Variants in GLRA1 observed in about 807,000 individuals in gnomAD.
GLRA1 encodes the protein glycine receptor alpha 1, also known as glycine receptor subunit alpha-1.
In GLRA1, 37 loss-of-function variants were observed where a neutral mutation model predicts 48.3. That is an observed-to-expected ratio of 0.77 (90% CI 0.59 to 1.01). The LOEUF (loss-of-function observed/expected upper bound fraction) is 1.01, where lower values mean the gene tolerates loss of function less well. Ranked by LOEUF, GLRA1 falls within the 50% of genes least tolerant of loss-of-function variation. GLRA1 has a pLI of 0.00. For synonymous variants in GLRA1, 196 were observed against 210.7 expected (o/e 0.93, Z 0.60); for missense variants, 427 against 571.0 (o/e 0.75, Z 2.57).
chr5:151,838,587 G>A (rs1025325332), intron 7 of GLRA1, among the ~76,000 whole-genome samples: 5 of 152,030 alleles, frequency 3.3e-5, no homozygotes, highest in African/African-American at 1.2e-4. Context: ...AGAAGAATCA[G>A]GAAACTTAAA....
At chr5:151,882,214 T>G (rs1753780009) in intron 3 of GLRA1, among the ~76,000 whole-genome samples, 1 of 152,234 alleles carries the variant, frequency 6.6e-6, no homozygotes, top group Admixed American at 6.5e-5. Flanking sequence ...TACATTTGGC[T>G]TAGGAGATCA....
intron 3 of GLRA1, among the ~76,000 whole-genome samples, chr5:151,880,246 G>T (rs1753728215): frequency 6.6e-6 from 1 of 152,172 alleles, no homozygotes; most frequent in South Asian, 2.1e-4. Context: ...TATTTCTATA[G>T]CATTTACCAA....
chr5:151,906,451 G>A (rs1434237971), intron 1 of GLRA1, among the ~76,000 whole-genome samples: 1 of 152,050 alleles, frequency 6.6e-6, no homozygotes, highest in Non-Finnish European at 1.5e-5. Context: ...ATTTTAAGAG[G>A]GACATTAACA....
At chr5:151,861,769 C>A (rs1020950938) in intron 3 of GLRA1, among the ~76,000 whole-genome samples, 1 of 152,026 alleles carries the variant, frequency 6.6e-6, no homozygotes, top group African/African-American at 2.4e-5. Context: ...CACTGCTCAA[C>A]GAAATAAAAG....
intron 1 of GLRA1, among the ~76,000 whole-genome samples, chr5:151,900,103 C>G (rs1298139258): frequency 1.3e-5 from 2 of 152,180 alleles, no homozygotes; most frequent in Non-Finnish European, 2.9e-5. Flanking sequence ...CTTCCATCCA[C>G]TAACTCTCCT....
chr5:151,833,671 C>T (rs1763483320), intron 7 of GLRA1, among the ~76,000 whole-genome samples: 1 of 151,950 alleles, frequency 6.6e-6, no homozygotes, highest in Admixed American at 6.6e-5. Flanking sequence ...TCATGTTGGT[C>T]AGGCTAGTCT....
chr5:151,893,286 TTCTTTC>T (rs934502665), intron 1 of GLRA1, among the ~76,000 whole-genome samples: 5 of 45,040 alleles, frequency 1.1e-4, no homozygotes, highest in African/African-American at 3.6e-4. Flanking sequence ...CTGCCCAACT[TTCTTTC>T]TTTCTTTCTT....
At chr5:151,829,311 G>A (rs1216734911) in intron 7 of GLRA1, among the ~76,000 whole-genome samples, 1 of 152,162 alleles carries the variant, frequency 6.6e-6, no homozygotes, top group Non-Finnish European at 1.5e-5. Flanking sequence ...GAAGACAATG[G>A]TATATTTAGC....
chr5:151,871,029 T>C (rs1753469660), intron 3 of GLRA1, among the ~76,000 whole-genome samples: 1 of 149,552 alleles, frequency 6.7e-6, no homozygotes, highest in Admixed American at 6.6e-5. Context: ...TGGGCAGTCA[T>C]AAGTTCATTG....
chr5:151,912,716 A>T (rs917869274), intron 1 of GLRA1, among the ~76,000 whole-genome samples: 1 of 152,200 alleles, frequency 6.6e-6, no homozygotes, highest in African/African-American at 2.4e-5. Flanking sequence ...AAGCAATTTG[A>T]TTTAACAAAC....
At chr5:151,881,466 A>G (rs2113397031) in intron 3 of GLRA1, among the ~76,000 whole-genome samples, 1 of 148,354 alleles carries the variant, frequency 6.7e-6, no homozygotes, top group African/African-American at 2.5e-5. Flanking sequence ...AGCTGGAACT[A>G]CAAGCATGTG....
chr5:151,849,727 T>A, intron 7 of GLRA1: 1 of 302,680 alleles, frequency 3.3e-6, no homozygotes, highest in African/African-American at 2.2e-5. Flanking sequence ...TAATTTTTTG[T>A]ATTTTTAGTA....
chr5:151,923,592 ATC>A (rs1327062884), intron 1 of GLRA1, among the ~76,000 whole-genome samples: 2 of 152,344 alleles, frequency 1.3e-5, no homozygotes, highest in East Asian at 3.9e-4. Flanking sequence ...CTAAAGGACT[ATC>A]TATTTCAATG....
At chr5:151,826,628 G>C (rs1561545102) in intron 8 of GLRA1, among the ~76,000 whole-genome samples, 1 of 152,182 alleles carries the variant, frequency 6.6e-6, no homozygotes, top group African/African-American at 2.4e-5. Flanking sequence ...ATCTTCAAAG[G>C]AGGGAACAGA....
intron 7 of GLRA1, among the ~76,000 whole-genome samples, chr5:151,845,600 C>T (rs948703898): frequency 1.3e-5 from 2 of 152,122 alleles, no homozygotes; most frequent in Non-Finnish European, 2.9e-5. Flanking sequence ...GATGTGCAGA[C>T]GTTGGAACCC....
chr5:151,855,896 A>T (rs1337253686), intron 5 of GLRA1, among the ~76,000 whole-genome samples: 1 of 152,230 alleles, frequency 6.6e-6, no homozygotes, highest in Non-Finnish European at 1.5e-5. Flanking sequence ...CCACGAGGCC[A>T]CAGTGCTTTG....
At chr5:151,885,419 A>C (rs1753875065) in intron 3 of GLRA1, among the ~76,000 whole-genome samples, 1 of 152,218 alleles carries the variant, frequency 6.6e-6, no homozygotes, top group African/African-American at 2.4e-5. Context: ...GAAACTGTAA[A>C]ATGTATTATG....
At chr5:151,894,680 T>C (rs879346225) in intron 1 of GLRA1, among the ~76,000 whole-genome samples, 1 of 152,208 alleles carries the variant, frequency 6.6e-6, no homozygotes, top group Non-Finnish European at 1.5e-5. Flanking sequence ...GTGTCTACCA[T>C]GGTGTCTCAT....
chr5:151,891,534 G>T (rs948609431), intron 2 of GLRA1, among the ~76,000 whole-genome samples: 1 of 152,140 alleles, frequency 6.6e-6, no homozygotes, highest in Non-Finnish European at 1.5e-5. Context: ...CATTTCTGCA[G>T]GGCAACTACA....
Sources: gnomAD v4.1 joint callset for allele counts (sites outside exome capture counted in the v4.1 genomes callset) on GRCh38, gnomAD v4.1.1 for gene constraint, MANE v1.5 for transcripts, NCBI Gene and HGNC (gene_info 2026-07-23, HGNC 2026-07-21) for gene names.